Variants in AMPD3 observed in about 807,000 individuals in gnomAD.
The protein encoded by AMPD3 is AMP deaminase 3.
Under a neutral mutation model 82.3 loss-of-function variants are expected in AMPD3, and 57 were observed. The ratio of observed to expected loss-of-function variants is 0.69; its 90% confidence interval spans 0.56 to 0.86. The LOEUF is 0.86. AMPD3 is among the 40% of genes least tolerant of loss of function. AMPD3 has a pLI of 0.00. For synonymous variants in AMPD3, 381 were observed against 394.7 expected (o/e 0.97, Z 0.41); for missense variants, 870 against 1,003.8 (o/e 0.87, Z 1.80).
chr11:10,472,186 C>A (rs1277623101), intron 2 of AMPD3, among the ~76,000 whole-genome samples: 1 of 152,038 alleles, frequency 6.6e-6, no homozygotes, highest in Non-Finnish European at 1.5e-5. Flanking sequence ...AGCAAACTAA[C>A]ACAAGAAGAG....
In AMPD3 at chr11:10,493,700, C is replaced by T. The variant is rs896300808; in HGVS notation, c.1134+157C>T. On this transcript the variant is annotated intron_variant, in intron 7 of 14. Transcript: ENST00000396553. ...GAGGTCATGCGGCCTCAGAGAATAA[C>T]AGGTCTGGGGCAGCCATGGGACAGG... 3.4e-6 allele frequency: 3 copies of T among 871,204 alleles called. No homozygotes were observed. The African/African-American group carries it at 5.0e-5, about 14-fold the overall frequency. 54.0% of individuals were successfully genotyped at this position (871,204 alleles called of 1,614,324 possible). A position where few individuals can be genotyped will look rare whatever the true frequency, so the allele number is the denominator to read the frequency against.
chr11:10,502,869 A>ACCCC lies in AMPD3; in HGVS notation c.1992_1995dup (p.Met666ProfsTer31), dbSNP rs1198696403. 1 of 1,613,994 alleles carries ACCCC rather than the reference A, an allele frequency of 6.2e-7. No homozygotes were observed. Among genetic ancestry groups the ACCCC allele is most frequent in the Non-Finnish European group, 8.5e-7 (1 of 1,180,016 alleles). ...CTGCATGTTTCTCTTTCCACCGATG[A>ACCCC]CCCCATGCAGTTCCACTACACGAAG... On this transcript the variant is annotated frameshift_variant, in exon 13 of 15. Transcript: ENST00000396553. LOFTEE classifies it high-confidence loss of function.
At position 10,505,748 on chromosome 11, in the gene AMPD3, G is replaced by A. The variant is rs1849701341; in HGVS notation, c.2168G>A (p.Gly723Glu). The A allele has an allele frequency of 6.2e-7, 1 of 1,614,070 alleles. No homozygotes were observed. The highest frequency in any genetic ancestry group is 8.5e-7 in the Non-Finnish European group (1 of 1,180,040). The stretch of plus-strand genomic sequence containing the variant: ...CTGGGACAAAATTATTATAAAGAAG[G>A]ACCTGAAGGAAATGATATTCGAAAG... ...KFLGQNYYKE[G>E]PEGNDIRKTN... is the part of the protein sequence containing the mutation. Residue 723 changes from glycine to glutamate, a missense_variant, in exon 15 of 15, where the codon GGA becomes GAA. Gly to Glu is a moderately conservative substitution (Grantham distance 98). Transcript: ENST00000396553.
intron 14 of AMPD3, chr11:10,505,421 C>T (rs1849692261): frequency 3.0e-6 from 3 of 985,106 alleles, no homozygotes; most frequent in Admixed American, 1.2e-4. Flanking sequence ...TTTGCCTTTC[C>T]CATCCCCAGC....
At chr11:10,465,151 T>C (rs1478069831) in intron 2 of AMPD3, among the ~76,000 whole-genome samples, 1 of 152,268 alleles carries the variant, frequency 6.6e-6, no homozygotes, top group Non-Finnish European at 1.5e-5. Flanking sequence ...GCACCATTAA[T>C]GTTCCTGTTT....
At chr11:10,451,120 G>A (rs576887631), upstream of AMPD3, 22 of 1,534,612 alleles carry the variant, frequency 1.4e-5, no homozygotes, top group South Asian at 1.1e-4. Context: ...AATCAGCAGC[G>A]CCCTGGGGTC....
intron 1 of AMPD3, chr11:10,460,852 G>A (rs978651435): frequency 1.6e-5 from 16 of 980,034 alleles, no homozygotes; most frequent in South Asian, 9.4e-5. Context: ...ATCAGTATGC[G>A]AGGAGGTGGA....
Position 10,484,946 on chromosome 11 carries a change from A to C in AMPD3, c.716A>C (p.Glu239Ala), listed in dbSNP as rs758409888. Residue 239 changes from glutamate to alanine, a missense_variant, in exon 5 of 15, where the codon GAG becomes GCG. Transcript: ENST00000396553. ...LFVYDNKKML[E>A]HQEPHSLPYP... ...GTGTATGATAACAAGAAGATGCTGGAGCACCAGGAGCCGCACAGCCTACCC... is the reference window on the plus strand; with the variant it reads ...GTGTATGATAACAAGAAGATGCTGGCGCACCAGGAGCCGCACAGCCTACCC... 3 of 1,614,060 alleles carry C rather than the reference A, an allele frequency of 1.9e-6. No individual in the cohort carries two copies. The East Asian group carries it at 6.7e-5, about 36-fold the overall frequency.
chr11:10,471,649 C>T (rs1013503233), intron 2 of AMPD3, among the ~76,000 whole-genome samples: 3 of 152,212 alleles, frequency 2.0e-5, no homozygotes, highest in African/African-American at 7.2e-5. Context: ...TATGAACAGA[C>T]ACTTCTCAAA....
intron 2 of AMPD3, among the ~76,000 whole-genome samples, chr11:10,476,667 C>T (rs569080486): frequency 7.9e-5 from 12 of 152,282 alleles, no homozygotes; most frequent in Non-Finnish European, 1.6e-4. Flanking sequence ...GAATCTCATG[C>T]GTCCCAGCTG....
intron 6 of AMPD3, among the ~76,000 whole-genome samples, chr11:10,491,482 C>T (rs746131126): frequency 6.6e-6 from 1 of 152,192 alleles, no homozygotes; most frequent in African/African-American, 2.4e-5. Flanking sequence ...AGAATCCCTT[C>T]TAGCTTCTGT....
At chr11:10,453,909 A>G (rs542870043), upstream of AMPD3, among the ~76,000 whole-genome samples, 4 of 152,212 alleles carry the variant, frequency 2.6e-5, no homozygotes, top group South Asian at 6.2e-4. Context: ...GATGAGACAT[A>G]ATTTGATTCC....
intron 6 of AMPD3, among the ~76,000 whole-genome samples, chr11:10,489,842 G>A (rs962691212): frequency 6.6e-6 from 1 of 152,058 alleles, no homozygotes; most frequent in Non-Finnish European, 1.5e-5. Context: ...CACCACTCCT[G>A]GCTAATTTTT....
chr11:10,465,647 TG>T (rs1206112893), intron 2 of AMPD3, among the ~76,000 whole-genome samples: 3 of 152,030 alleles, frequency 2.0e-5, no homozygotes, highest in Admixed American at 1.3e-4. Flanking sequence ...AGGGAAGCCT[TG>T]AGGGACTGAG....
chr11:10,460,411 T>G (rs1318180293), intron 1 of AMPD3, among the ~76,000 whole-genome samples: 1 of 42,334 alleles, frequency 2.4e-5, no homozygotes, highest in Non-Finnish European at 6.0e-5. Flanking sequence ...AGAGTATACT[T>G]TTTTTTTTTT....
At chr11:10,461,225 T>C in intron 1 of AMPD3, 1 of 1,295,312 alleles carries the variant, frequency 7.7e-7, no homozygotes, top group South Asian at 1.4e-5. Flanking sequence ...TGCCAGGTGC[T>C]GCAGATTCCC....
intron 2 of AMPD3, among the ~76,000 whole-genome samples, chr11:10,464,604 G>T (rs1022813995): frequency 6.6e-6 from 1 of 152,026 alleles, no homozygotes; most frequent in Non-Finnish European, 1.5e-5. Context: ...TCTGTCCATC[G>T]GCTTCTTTCC....
chr11:10,500,824 A>G, intron 11 of AMPD3: 1 of 985,430 alleles, frequency 1.0e-6, no homozygotes, highest in African/African-American at 1.7e-5. Context: ...CGTGGCCAGG[A>G]GTTAGCTGCC....
upstream of AMPD3, among the ~76,000 whole-genome samples, chr11:10,452,349 G>A (rs1847984127): frequency 6.6e-6 from 1 of 152,030 alleles, no homozygotes; most frequent in Non-Finnish European, 1.5e-5. Flanking sequence ...CTTCCACCAA[G>A]TATAATAATC....
Sources: gnomAD v4.1 joint callset for allele counts (sites outside exome capture counted in the v4.1 genomes callset) on GRCh38, gnomAD v4.1.1 for gene constraint, MANE v1.5 for transcripts, NCBI Gene and HGNC (gene_info 2026-07-23, HGNC 2026-07-21) for gene names.